Variants in SYNDIG1 observed in about 807,000 individuals in gnomAD.
SYNDIG1 encodes synapse differentiation-inducing gene protein 1.
SYNDIG1 carries 9 observed loss-of-function variants against 19.4 expected under a neutral mutation model. The ratio of observed to expected loss-of-function variants is 0.46; its 90% CI spans 0.28 to 0.81. The LOEUF (loss-of-function observed/expected upper bound fraction) is 0.81, where lower values mean the gene tolerates loss of function less well. SYNDIG1 is among the 30% of genes least tolerant of loss of function. SYNDIG1 has a pLI of 0.12. For missense variants in SYNDIG1, 311 were observed against 343.3 expected, an observed-to-expected ratio of 0.91 and a Z score of 0.74; for synonymous variants, 141 against 145.9, an observed-to-expected ratio of 0.97 and a Z score of 0.24.
At chr20:24,628,974 A>G (rs1220794453) in intron 3 of SYNDIG1, among the ~76,000 whole-genome samples, 2 of 152,218 alleles carry the variant, frequency 1.3e-5, no homozygotes, top group South Asian at 2.1e-4. Context: ...CAGGAAGATG[A>G]TGATTTTGAG....
intron 3 of SYNDIG1, among the ~76,000 whole-genome samples, chr20:24,591,285 T>A (rs1269976050): frequency 6.6e-6 from 1 of 151,802 alleles, no homozygotes; most frequent in Non-Finnish European, 1.5e-5. Context: ...TCACAGCTAG[T>A]CATGAGGCTG....
intron 2 of SYNDIG1, among the ~76,000 whole-genome samples, chr20:24,545,392 A>G (rs1281155330): frequency 6.6e-6 from 1 of 152,112 alleles, no homozygotes; most frequent in Non-Finnish European, 1.5e-5. Context: ...CCTGTCTACT[A>G]AGTTTTCCAA....
intron 1 of SYNDIG1, chr20:24,502,394 G>T (rs747056467): frequency 1.3e-5 from 2 of 152,330 alleles, no homozygotes; most frequent in African/African-American, 2.4e-5. Context: ...GTGGGAGGCA[G>T]TGTCTCTTGG....
chr20:24,541,796 T>G (rs775899288), intron 1 of SYNDIG1, among the ~76,000 whole-genome samples: 8 of 152,090 alleles, frequency 5.3e-5, no homozygotes, highest in Non-Finnish European at 1.0e-4. Context: ...CCACAAAAGT[T>G]ATAAAGGGAA....
rs1249494684 is a variant in SYNDIG1, at chr20:24,640,509, GGAAGGAAGGAAGGAAGGAA to G, written c.619-24835_619-24817del. Among the ~76,000 whole-genome samples, 9 of 144,356 alleles carry G rather than the reference GGAAGGAAGGAAGGAAGGAA, an allele frequency of 6.2e-5. No homozygotes were observed. The East Asian group carries it at 8.0e-4, about 13-fold the overall frequency. 94.7% of individuals were successfully genotyped at this position (144,356 alleles called of 152,430 possible). ...AGGAAGGAAGGAAGGAAGGAAGGAA[GGAAGGAAGGAAGGAAGGAA>G]GGAGCTTTTCTTCAAATAATTAAAG... On this transcript the variant is annotated intron_variant, in intron 3 of 3. Transcript: ENST00000376862.
chr20:24,487,821 A>T (rs949048705), intron 1 of SYNDIG1, among the ~76,000 whole-genome samples: 1 of 152,110 alleles, frequency 6.6e-6, no homozygotes, highest in African/African-American at 2.4e-5. Context: ...AGGTCCTGGG[A>T]TCTGGATTTG....
At position 24,533,846 on chromosome 20, in the gene SYNDIG1, A is replaced by T. The variant is rs535748590; in HGVS notation, c.-78-9174A>T. Among the ~76,000 whole-genome samples, 156 of 152,314 alleles carry T rather than the reference A, an allele frequency of 1.0e-3. 2 individuals carry two copies. The highest frequency in any genetic ancestry group is 3.6e-3 in the African/African-American group (148 of 41,582). ...AGGGCACGGAGTAGGGCACCCACGG[A>T]TTCAGCCCCTGTGTTAGTCCATTTT... is the stretch of plus-strand genomic sequence containing the variant. On this transcript the variant is annotated intron_variant, in intron 1 of 3. Transcript: ENST00000376862.
intron 1 of SYNDIG1, among the ~76,000 whole-genome samples, chr20:24,484,640 A>G (rs1431624121): frequency 6.6e-6 from 1 of 152,184 alleles, no homozygotes; most frequent in Non-Finnish European, 1.5e-5. Context: ...TGTTGTGTCC[A>G]CCTTTAGAAA....
Position 24,543,510 on chromosome 20 carries a change from C to G in SYNDIG1, c.413C>G (p.Ala138Gly). 1 of 1,610,614 alleles carries G rather than the reference C, an allele frequency of 6.2e-7. No individual in the cohort carries two copies. Among genetic ancestry groups the G allele is most frequent in the African/African-American group, 1.3e-5 (1 of 75,024 alleles). Residue 138 changes from alanine (A) to glycine (G), a missense_variant, in exon 2 of 4, where the codon GCT (alanine) becomes GGT (glycine). Ala to Gly is a moderately conservative substitution (Grantham distance 60, BLOSUM62 0). Transcript: ENST00000376862. ...YPDGKFIDLS[A>G]DDIKIHTLSY... ...GATGGGAAGTTCATTGACCTCTCAG[C>G]TGATGACATAAAAATCCACACCCTG...
At chr20:24,633,914 C>G (rs979510090) in intron 3 of SYNDIG1, among the ~76,000 whole-genome samples, 4 of 152,224 alleles carry the variant, frequency 2.6e-5, no homozygotes, top group African/African-American at 9.6e-5. Flanking sequence ...CCTTTTCACT[C>G]CTGCCCTCCC....
At chr20:24,636,696 C>G (rs554650680) in intron 3 of SYNDIG1, among the ~76,000 whole-genome samples, 1 of 152,292 alleles carries the variant, frequency 6.6e-6, no homozygotes, top group Non-Finnish European at 1.5e-5. Context: ...TTCCTATTGG[C>G]ACAGCTGCTG....
intron 2 of SYNDIG1, among the ~76,000 whole-genome samples, chr20:24,571,523 TTATACA>T (rs2058144088): frequency 1.3e-5 from 2 of 152,324 alleles, no homozygotes; most frequent in African/African-American, 2.4e-5. Flanking sequence ...TATATATAAC[TTATACA>T]TATATACACA....
intron 3 of SYNDIG1, among the ~76,000 whole-genome samples, chr20:24,631,425 C>T (rs757883292): frequency 6.6e-6 from 1 of 152,222 alleles, no homozygotes. Flanking sequence ...GCGGGCGCGA[C>T]GGCCTCATCA....
In SYNDIG1 at chr20:24,538,773, G is replaced by A. The variant is rs61184558; in HGVS notation, c.-78-4247G>A. The stretch of plus-strand genomic sequence containing the variant: ...TCCTCACCAACACTTGTTATTTTCC[G>A]TTTTTTTTTTTAACAGTAGCCATCC... On this transcript the variant is annotated intron_variant, in intron 1 of 3. Transcript: ENST00000376862. Among the ~76,000 whole-genome samples the A allele has an allele frequency of 2.1e-3, 319 of 148,670 alleles. 4 individuals carry two copies. Among genetic ancestry groups the A allele is most frequent in the African/African-American group, 7.6e-3 (310 of 40,812 alleles).
intron 1 of SYNDIG1, among the ~76,000 whole-genome samples, chr20:24,497,868 T>G (rs1822195716): frequency 6.6e-6 from 1 of 152,236 alleles, no homozygotes; most frequent in Admixed American, 6.5e-5. Context: ...GTGGATCCAC[T>G]TCTGCCTGAA....
intron 3 of SYNDIG1, among the ~76,000 whole-genome samples, chr20:24,601,866 G>A (rs916735909): frequency 6.6e-6 from 1 of 151,886 alleles, no homozygotes. Flanking sequence ...TCTGTTTTAT[G>A]TTATTGGAAA....
chr20:24,577,475 G>A (rs1288310875), intron 2 of SYNDIG1, among the ~76,000 whole-genome samples: 1 of 152,228 alleles, frequency 6.6e-6, no homozygotes, highest in Non-Finnish European at 1.5e-5. Flanking sequence ...TCTCAGACAC[G>A]GGCCTCACCC....
intron 3 of SYNDIG1, among the ~76,000 whole-genome samples, chr20:24,594,286 A>G (rs550616315): frequency 6.6e-6 from 1 of 152,184 alleles, no homozygotes; most frequent in Non-Finnish European, 1.5e-5. Context: ...CATTTATTGA[A>G]TAGGGAGTTC....
intron 3 of SYNDIG1, among the ~76,000 whole-genome samples, chr20:24,662,340 C>G (rs75732810): frequency 0.011 from 1,722 of 152,222 alleles, 24 homozygotes; most frequent in African/African-American, 0.04. Flanking sequence ...TTCTACATAT[C>G]TTTGCAACTA....
Sources: gnomAD v4.1 joint callset for allele counts (sites outside exome capture counted in the v4.1 genomes callset) on GRCh38, gnomAD v4.1.1 for gene constraint, MANE v1.5 for transcripts, NCBI Gene and HGNC (gene_info 2026-07-23, HGNC 2026-07-21) for gene names.